Variants in MECOM observed in about 807,000 individuals in gnomAD.
The protein encoded by MECOM is histone-lysine N-methyltransferase MECOM.
A neutral mutation model predicts 116.3 loss-of-function variants in MECOM; 13 were observed. That is an observed-to-expected ratio of 0.11 (90% CI 0.07 to 0.18). MECOM has a LOEUF of 0.18. MECOM is among the 10% of genes least tolerant of loss of function. The pLI is 1.00. For missense variants in MECOM, 1,299 were observed against 1,509.0 expected (o/e 0.86, Z 2.31); for synonymous variants, 528 against 535.2 (o/e 0.99, Z 0.19).
intron 1 of MECOM, among the ~76,000 whole-genome samples, chr3:169,419,614 G>A (rs931764266): frequency 5.9e-5 from 9 of 152,030 alleles, no homozygotes; most frequent in Non-Finnish European, 8.8e-5. Context: ...AACTCAAGAC[G>A]GATTAAAGAT....
intron 2 of MECOM, among the ~76,000 whole-genome samples, chr3:169,247,169 A>G (rs1485208923): frequency 2.6e-5 from 4 of 152,212 alleles, no homozygotes; most frequent in Non-Finnish European, 5.9e-5. Flanking sequence ...CCTATCATGG[A>G]AAAACTACTC....
In MECOM at chr3:169,299,150, T is replaced by C. The variant is rs759851761; in HGVS notation, c.375+82037A>G. On this transcript the variant is annotated intron_variant, in intron 2 of 16. Transcript: ENST00000651503. ...TAGAACTCCTAGTTCTCACTAGGAA[T>C]TGCCTCAGAGACAATTTCCACCTAT... Among the ~76,000 whole-genome samples the C allele has an allele frequency of 2.0e-5, 3 of 152,202 alleles. No homozygotes were observed. The South Asian group carries it at 6.2e-4, about 32-fold the overall frequency.
intron 1 of MECOM, among the ~76,000 whole-genome samples, chr3:169,474,638 G>A (rs1363732141): frequency 6.6e-6 from 1 of 152,058 alleles, no homozygotes; most frequent in Non-Finnish European, 1.5e-5. Flanking sequence ...TTTGAGGTTG[G>A]CAGCCCATGT....
At chr3:169,530,384 C>T (rs772632410) in intron 1 of MECOM, among the ~76,000 whole-genome samples, 14 of 152,068 alleles carry the variant, frequency 9.2e-5, no homozygotes, top group Admixed American at 3.9e-4. Flanking sequence ...GTCATGAAAG[C>T]GCATTATGTG....
intron 2 of MECOM, among the ~76,000 whole-genome samples, chr3:169,266,194 A>G (rs1020139577): frequency 1.3e-5 from 2 of 152,230 alleles, no homozygotes; most frequent in African/African-American, 4.8e-5. Context: ...GTAAAAGACA[A>G]ATTGACAGCC....
chr3:169,210,692 A>G (rs1750601798), intron 2 of MECOM, among the ~76,000 whole-genome samples: 1 of 152,164 alleles, frequency 6.6e-6, no homozygotes, highest in Admixed American at 6.6e-5. Flanking sequence ...TGTATACACC[A>G]TGTAACCACC....
At position 169,207,350 on chromosome 3, in the gene MECOM, G is replaced by A. The variant is rs114914253; in HGVS notation, c.376-63518C>T. ...TATCCCATCTGGATACACAGTGGGCGGAAGTCACATTTACAGTAAGAGTTG... is the reference window on the plus strand; with the variant it reads ...TATCCCATCTGGATACACAGTGGGCAGAAGTCACATTTACAGTAAGAGTTG... On this transcript the variant is annotated intron_variant, in intron 2 of 16. Transcript: ENST00000651503. Among the ~76,000 whole-genome samples the A allele has an allele frequency of 5.9e-3, 896 of 152,242 alleles. 11 individuals carry two copies. The highest frequency in any genetic ancestry group is 0.021 in the African/African-American group (852 of 41,544).
chr3:169,587,045 G>A (rs1765856873), intron 1 of MECOM, among the ~76,000 whole-genome samples: 2 of 152,148 alleles, frequency 1.3e-5, no homozygotes, highest in South Asian at 2.1e-4. Context: ...TAACAGCAGT[G>A]CAGTTATTAT....
intron 2 of MECOM, among the ~76,000 whole-genome samples, chr3:169,360,770 C>G (rs1461771557): frequency 6.6e-6 from 1 of 151,716 alleles, no homozygotes; most frequent in Non-Finnish European, 1.5e-5. Flanking sequence ...GCGGAGTATG[C>G]CTTCTTCATT....
chr3:169,433,239 C>A (rs539450169), intron 1 of MECOM, among the ~76,000 whole-genome samples: 1 of 152,076 alleles, frequency 6.6e-6, no homozygotes, highest in Non-Finnish European at 1.5e-5. Flanking sequence ...GAGGCCAAGG[C>A]GGGTGGATCA....
intron 2 of MECOM, among the ~76,000 whole-genome samples, chr3:169,335,550 T>C (rs921271263): frequency 1.3e-5 from 2 of 152,118 alleles, no homozygotes; most frequent in African/African-American, 4.8e-5. Flanking sequence ...AGAAGACATT[T>C]GAATATTCCA....
At position 169,382,298 on chromosome 3, in the gene MECOM, A is replaced by G. The variant is rs1413367788; in HGVS notation, c.38-774T>C. Among the ~76,000 whole-genome samples the G allele has an allele frequency of 2.0e-5, 3 of 152,224 alleles. No individual in the cohort carries two copies. In the East Asian group the frequency reaches 5.8e-4, roughly 29 times the overall value. ...GACAGAGAAATGAGGGAGATCAGAA[A>G]CGCTTTGTATGGGGCACTGCTCATC... is the stretch of plus-strand genomic sequence containing the variant. On this transcript the variant is annotated intron_variant, in intron 1 of 16. Coordinates refer to ENST00000651503, the MANE Select transcript of MECOM (RefSeq NM_004991.4).
At chr3:169,536,970 C>T (rs951324646) in intron 1 of MECOM, among the ~76,000 whole-genome samples, 20 of 152,124 alleles carry the variant, frequency 1.3e-4, no homozygotes, top group Non-Finnish European at 5.9e-5. Flanking sequence ...GAAGTTGTTG[C>T]TAGCACCCAA....
At chr3:169,650,973 T>G (rs931345498) in intron 1 of MECOM, among the ~76,000 whole-genome samples, 5 of 152,112 alleles carry the variant, frequency 3.3e-5, no homozygotes, top group African/African-American at 7.2e-5. Context: ...GTATATTAAG[T>G]TTAAAAAAAG....
intron 1 of MECOM, among the ~76,000 whole-genome samples, chr3:169,518,213 C>CCT: frequency 6.6e-6 from 1 of 151,206 alleles, no homozygotes; most frequent in South Asian, 2.1e-4. Context: ...GAGCCGAGAT[C>CCT]GCACCACTGC....
At chr3:169,137,864 A>G (rs1560250941) in intron 3 of MECOM, among the ~76,000 whole-genome samples, 1 of 152,102 alleles carries the variant, frequency 6.6e-6, no homozygotes, top group Non-Finnish European at 1.5e-5. Context: ...CTTACAGTGT[A>G]CCCAGCCTGA....
intron 1 of MECOM, among the ~76,000 whole-genome samples, chr3:169,399,283 T>A (rs979427967): frequency 6.6e-6 from 1 of 152,148 alleles, no homozygotes; most frequent in African/African-American, 2.4e-5. Flanking sequence ...TATGAGGAGT[T>A]TCGTTTTTGA....
intron 1 of MECOM, among the ~76,000 whole-genome samples, chr3:169,509,813 A>G (rs1755737360): frequency 6.6e-6 from 1 of 152,192 alleles, no homozygotes. Context: ...TCGTGCTGCT[A>G]TGAACACTGG....
At chr3:169,510,796 T>C (rs1755871303) in intron 1 of MECOM, among the ~76,000 whole-genome samples, 1 of 152,160 alleles carries the variant, frequency 6.6e-6, no homozygotes, top group Non-Finnish European at 1.5e-5. Flanking sequence ...TTTCATCCAA[T>C]CTGCTAAATG....
Sources: allele counts gnomAD v4.1 joint callset (sites outside exome capture counted in the v4.1 genomes callset), GRCh38; gene constraint gnomAD v4.1.1; transcripts MANE v1.5; gene names NCBI Gene and HGNC (gene_info 2026-07-23, HGNC 2026-07-21).